Variants in FRMD3 observed in about 807,000 individuals in gnomAD.
FRMD3 encodes FERM domain containing 3.
In FRMD3, 33 loss-of-function variants were observed where a neutral mutation model predicts 70.2. The ratio of observed to expected loss-of-function variants is 0.47; its 90% CI spans 0.36 to 0.63. FRMD3 has a LOEUF of 0.63. Among genes scored for constraint, FRMD3 ranks in the 20% least tolerant of loss-of-function variants. The probability of loss-of-function intolerance (pLI) is 0.00; values close to 1 mark genes in which losing one functional copy is unlikely to be tolerated. For synonymous variants in FRMD3, 279 were observed against 255.9 expected, an observed-to-expected ratio of 1.09 and a Z score of -0.86; for missense variants, 632 against 711.4, an observed-to-expected ratio of 0.89 and a Z score of 1.27.
intron 1 of FRMD3, among the ~76,000 whole-genome samples, chr9:83,452,617 G>A (rs1827697850): frequency 6.6e-6 from 1 of 151,486 alleles, no homozygotes; most frequent in African/African-American, 2.4e-5. Context: ...AAGCAGCTGG[G>A]ACTACAGGCG....
At chr9:83,401,136 C>T (rs1825940238) in intron 1 of FRMD3, among the ~76,000 whole-genome samples, 1 of 152,186 alleles carries the variant, frequency 6.6e-6, no homozygotes, top group African/African-American at 2.4e-5. Context: ...CATTGGATTT[C>T]ATCCACGTAA....
At chr9:83,412,657 A>G (rs1316176851) in intron 1 of FRMD3, among the ~76,000 whole-genome samples, 1 of 152,220 alleles carries the variant, frequency 6.6e-6, no homozygotes, top group Non-Finnish European at 1.5e-5. Context: ...CTTTGTGAGC[A>G]GCTGAAATTG....
At chr9:83,489,677 G>A (rs1286344236) in intron 1 of FRMD3, among the ~76,000 whole-genome samples, 1 of 152,196 alleles carries the variant, frequency 6.6e-6, no homozygotes, top group Non-Finnish European at 1.5e-5. Flanking sequence ...AATTAGTTCA[G>A]CCATTGTGGA....
At chr9:83,461,222 C>T (rs904591022) in intron 1 of FRMD3, among the ~76,000 whole-genome samples, 1 of 152,118 alleles carries the variant, frequency 6.6e-6, no homozygotes, top group Admixed American at 6.6e-5. Context: ...GAGGAGTTCA[C>T]AATCAGAGGG....
intron 3 of FRMD3, among the ~76,000 whole-genome samples, chr9:83,356,923 G>A (rs925023324): frequency 6.6e-5 from 10 of 151,280 alleles, no homozygotes; most frequent in South Asian, 4.2e-4. Flanking sequence ...CCCAAAGTCC[G>A]TCATATCATT....
chr9:83,390,322 C>T (rs1825633256), intron 1 of FRMD3, among the ~76,000 whole-genome samples: 1 of 152,232 alleles, frequency 6.6e-6, no homozygotes, highest in African/African-American at 2.4e-5. Flanking sequence ...TCCACTGCAG[C>T]TCTGCCAGGA....
At chr9:83,299,252 G>A in intron 10 of FRMD3, 66 bp from the exon 11 acceptor site, 1 of 1,002,262 alleles carries the variant, frequency 1.0e-6, no homozygotes, top group Non-Finnish European at 1.5e-6. Flanking sequence ...ATGCTATAGA[G>A]GTGTGGTGAT....
At position 83,430,267 on chromosome 9, in the gene FRMD3, C is replaced by T. The variant is rs548060672; in HGVS notation, c.148-40559G>A. The stretch of plus-strand genomic sequence containing the variant: ...TTCCTAAAACACAACCCTTGTCCCA[C>T]GCTGGCCCCTCCTTCTGCAGCCCCC... On this transcript the variant is annotated intron_variant, in intron 1 of 13. Coordinates refer to ENST00000304195, the MANE Select transcript of FRMD3 (RefSeq NM_174938.6). 5.9e-5 allele frequency among the ~76,000 whole-genome samples: 9 copies of T among 152,102 alleles called. 1 individual carries two copies. In the South Asian group the frequency reaches 8.3e-4, roughly 14 times the overall value.
chr9:83,376,078 T>A (rs1015177462), intron 2 of FRMD3, among the ~76,000 whole-genome samples: 2 of 151,240 alleles, frequency 1.3e-5, no homozygotes, highest in African/African-American at 2.4e-5. Flanking sequence ...GAGAATCGCT[T>A]GAACCCAGGA....
chr9:83,508,499 C>T (rs1005766235), intron 1 of FRMD3, among the ~76,000 whole-genome samples: 3 of 152,226 alleles, frequency 2.0e-5, no homozygotes, highest in Non-Finnish European at 4.4e-5. Context: ...TGAGTGCACA[C>T]TGGCCTACAA....
intron 13 of FRMD3, among the ~76,000 whole-genome samples, chr9:83,273,516 C>A (rs1261610012): frequency 6.6e-6 from 1 of 151,332 alleles, no homozygotes; most frequent in Non-Finnish European, 1.5e-5. Context: ...GGTCCTCTGC[C>A]TAGGAAAACC....
intron 1 of FRMD3, among the ~76,000 whole-genome samples, chr9:83,433,968 G>T (rs3860922): frequency 0.068 from 10,311 of 152,228 alleles, 411 homozygotes; most frequent in East Asian, 0.16. Flanking sequence ...AAGGACTTGT[G>T]TCAAAAGTCA....
At chr9:83,284,809 G>A (rs549690227) in intron 13 of FRMD3, among the ~76,000 whole-genome samples, 9 of 152,282 alleles carry the variant, frequency 5.9e-5, no homozygotes, top group Non-Finnish European at 8.8e-5. Flanking sequence ...GAATGTTCAC[G>A]TCAGACAGGC....
intron 13 of FRMD3, among the ~76,000 whole-genome samples, chr9:83,252,443 C>T (rs913016356): frequency 6.6e-6 from 1 of 152,180 alleles, no homozygotes; most frequent in African/African-American, 2.4e-5. Flanking sequence ...ACTGGTGATA[C>T]TGTGAACCAA....
chr9:83,256,355 G>A (rs759886833), intron 13 of FRMD3, among the ~76,000 whole-genome samples: 2 of 152,004 alleles, frequency 1.3e-5, no homozygotes, highest in Non-Finnish European at 2.9e-5. Context: ...CTTACACCAT[G>A]TACAAAAACT....
intron 1 of FRMD3, among the ~76,000 whole-genome samples, chr9:83,470,172 A>T (rs143106429): frequency 6.6e-6 from 1 of 152,356 alleles, no homozygotes; most frequent in African/African-American, 2.4e-5. Flanking sequence ...ACAGCCCCAG[A>T]TTCCAGCTGC....
At chr9:83,264,652 A>C (rs1218751433) in intron 13 of FRMD3, among the ~76,000 whole-genome samples, 1 of 152,218 alleles carries the variant, frequency 6.6e-6, no homozygotes, top group African/African-American at 2.4e-5. Context: ...CTTTGAAAAA[A>C]AGCAATGCAG....
rs183315821 is a variant in FRMD3, at chr9:83,530,524, G to A, written c.147+7561C>T. Among the ~76,000 whole-genome samples the A allele has an allele frequency of 8.6e-3, 1,313 of 152,176 alleles. 11 individuals carry two copies. Among genetic ancestry groups the A allele is most frequent in the Non-Finnish European group, 0.011 (775 of 68,004 alleles). ...GGAGGTATGACTGCTAAAGGGCAAA[G>A]GTTCATTTTGGGGATGATGAAAATA... On this transcript the variant is annotated intron_variant, in intron 1 of 13. Coordinates refer to ENST00000304195, the MANE Select transcript of FRMD3 (RefSeq NM_174938.6).
chr9:83,307,283 T>C (rs1300884074), intron 10 of FRMD3, among the ~76,000 whole-genome samples: 1 of 152,210 alleles, frequency 6.6e-6, no homozygotes, highest in Non-Finnish European at 1.5e-5. Flanking sequence ...AAAAGCTAAA[T>C]ATAGAGTTAC....
Sources: allele counts gnomAD v4.1 joint callset (sites outside exome capture counted in the v4.1 genomes callset), GRCh38; gene constraint gnomAD v4.1.1; transcripts MANE v1.5; gene names NCBI Gene and HGNC (gene_info 2026-07-23, HGNC 2026-07-21).